The following CDKAL1 variants were observed in gnomAD, a reference collection of about 807,000 sequenced individuals.
CDKAL1 encodes the protein threonylcarbamoyladenosine tRNA methylthiotransferase.
A neutral mutation model predicts 68.2 loss-of-function variants in CDKAL1; 32 were observed. That is an observed-to-expected ratio of 0.47 (90% CI 0.35 to 0.63). The LOEUF (loss-of-function observed/expected upper bound fraction) is 0.63, where lower values mean the gene tolerates loss of function less well. CDKAL1 is among the 30% of genes least tolerant of loss of function. The pLI, the probability that CDKAL1 is intolerant of heterozygous loss-of-function variation, is 0.00. For synonymous variants in CDKAL1, 234 were observed against 244.3 expected, an observed-to-expected ratio of 0.96 and a Z score of 0.39; for missense variants, 606 against 696.7, an observed-to-expected ratio of 0.87 and a Z score of 1.47.
chr6:20,801,618 A>G (rs922384778), intron 8 of CDKAL1, among the ~76,000 whole-genome samples: 3 of 152,212 alleles, frequency 2.0e-5, no homozygotes, highest in African/African-American at 7.2e-5. Context: ...TTTTGAAACC[A>G]TGGAATATAT....
At chr6:20,716,589 T>A (rs1772106532) in intron 5 of CDKAL1, among the ~76,000 whole-genome samples, 1 of 151,898 alleles carries the variant, frequency 6.6e-6, no homozygotes, top group African/African-American at 2.4e-5. Context: ...TTGGTTTGGT[T>A]GGGTCTGGGT....
chr6:21,159,760 A>T (rs1455346106), intron 13 of CDKAL1, among the ~76,000 whole-genome samples: 1 of 152,206 alleles, frequency 6.6e-6, no homozygotes, highest in Non-Finnish European at 1.5e-5. Context: ...CTTGGTTGAG[A>T]TCTTACCTCC....
chr6:20,984,062 A>G (rs1478469424), intron 10 of CDKAL1, among the ~76,000 whole-genome samples: 1 of 152,230 alleles, frequency 6.6e-6, no homozygotes, highest in Non-Finnish European at 1.5e-5. Context: ...GATCGCGTGA[A>G]GTAAAACTAC....
Position 20,631,746 on chromosome 6 carries a change from A to C in CDKAL1, c.287-17547A>C, listed in dbSNP as rs182746041. ...TCTCTGAGTCAGCCCTTCCGGATGAACCAGTCAGATGTTACAGGACATGTC... is the reference window on the plus strand; with the variant it reads ...TCTCTGAGTCAGCCCTTCCGGATGACCCAGTCAGATGTTACAGGACATGTC... On this transcript the variant is annotated intron_variant, in intron 4 of 15. Transcript: ENST00000274695. Among the ~76,000 whole-genome samples the C allele has an allele frequency of 1.5e-3, 224 of 152,272 alleles. 1 individual carries two copies. Among genetic ancestry groups the C allele is most frequent in the Non-Finnish European group, 2.5e-3 (172 of 68,034 alleles).
intron 15 of CDKAL1, among the ~76,000 whole-genome samples, chr6:21,211,363 C>T (rs1779140598): frequency 6.6e-6 from 1 of 152,170 alleles, no homozygotes; most frequent in South Asian, 2.1e-4. Context: ...TATATTCGTC[C>T]AAGACAGGTT....
intron 4 of CDKAL1, among the ~76,000 whole-genome samples, chr6:20,590,314 C>T (rs972061876): frequency 1.3e-5 from 2 of 152,084 alleles, no homozygotes; most frequent in Non-Finnish European, 2.9e-5. Context: ...CTACTATGCA[C>T]AGAGTAAGGG....
intron 12 of CDKAL1, among the ~76,000 whole-genome samples, chr6:21,090,408 C>T (rs890820770): frequency 2.3e-4 from 35 of 152,312 alleles, no homozygotes; most frequent in African/African-American, 7.7e-4. Flanking sequence ...GATTGCTTTC[C>T]ATACCTAGCA....
intron 11 of CDKAL1, among the ~76,000 whole-genome samples, chr6:21,024,475 C>T (rs1274146091): frequency 1.3e-5 from 2 of 151,844 alleles, no homozygotes; most frequent in Non-Finnish European, 2.9e-5. Context: ...TAGTGAAACC[C>T]CATCTCTTAA....
chr6:20,771,987 A>AT (rs1561764392), intron 7 of CDKAL1, among the ~76,000 whole-genome samples: 5 of 152,184 alleles, frequency 3.3e-5, no homozygotes, highest in Non-Finnish European at 5.9e-5. Flanking sequence ...AAAATGGCCT[A>AT]TATTCAGTGG....
At chr6:21,093,694 C>CTTTTTTT (rs547923386) in intron 12 of CDKAL1, among the ~76,000 whole-genome samples, 11 of 88,092 alleles carry the variant, frequency 1.2e-4, no homozygotes, top group Non-Finnish European at 2.0e-4. Flanking sequence ...GCTGCTGCTG[C>CTTTTTTT]TTTTTTTTTT....
chr6:20,859,321 T>A (rs2150519925), intron 9 of CDKAL1, among the ~76,000 whole-genome samples: 1 of 152,282 alleles, frequency 6.6e-6, no homozygotes, highest in South Asian at 2.1e-4. Flanking sequence ...AAAATGGTGT[T>A]ATGAAGATCT....
intron 11 of CDKAL1, among the ~76,000 whole-genome samples, chr6:21,032,680 A>G (rs916197170): frequency 6.6e-6 from 1 of 151,724 alleles, no homozygotes; most frequent in Non-Finnish European, 1.5e-5. Flanking sequence ...TTACCATTGC[A>G]TTTCAGTTGC....
chr6:20,626,347 C>G (rs1378469994), intron 4 of CDKAL1, among the ~76,000 whole-genome samples: 3 of 152,104 alleles, frequency 2.0e-5, no homozygotes, highest in Non-Finnish European at 4.4e-5. Context: ...TGATCCTCCT[C>G]TGTTTTCCCA....
intron 8 of CDKAL1, among the ~76,000 whole-genome samples, chr6:20,808,091 A>G (rs1776648243): frequency 6.6e-6 from 1 of 152,240 alleles, no homozygotes; most frequent in African/African-American, 2.4e-5. Context: ...TGTGTGAAAG[A>G]CATTTTAAAA....
chr6:21,195,529 G>A (rs990582313), intron 13 of CDKAL1, among the ~76,000 whole-genome samples: 4 of 121,428 alleles, frequency 3.3e-5, no homozygotes, highest in Non-Finnish European at 5.4e-5. Context: ...TTATTTATTT[G>A]AGACAGGGTC....
chr6:20,639,951 G>A (rs746613922), intron 4 of CDKAL1, among the ~76,000 whole-genome samples: 3 of 152,238 alleles, frequency 2.0e-5, no homozygotes, highest in Non-Finnish European at 4.4e-5. Context: ...TTACAGGCGC[G>A]AGCCACCGCG....
chr6:20,733,299 T>G (rs1212065807), intron 5 of CDKAL1, among the ~76,000 whole-genome samples: 1 of 152,246 alleles, frequency 6.6e-6, no homozygotes, highest in Admixed American at 6.5e-5. Flanking sequence ...TATTTCTTCC[T>G]TCTCGCTCTA....
intron 9 of CDKAL1, among the ~76,000 whole-genome samples, chr6:20,945,071 T>TACACAC (rs141227225): frequency 0.41 from 61,175 of 150,190 alleles, 12,674 homozygotes; most frequent in Non-Finnish European, 0.47. Context: ...CACACACACG[T>TACACAC]ACACACACAC....
chr6:21,142,732 G>T (rs1483516307), intron 13 of CDKAL1, among the ~76,000 whole-genome samples: 2 of 152,202 alleles, frequency 1.3e-5, no homozygotes, highest in Non-Finnish European at 2.9e-5. Flanking sequence ...ATGTAATACT[G>T]CAGCCTTAAA....
Sources: gnomAD v4.1 joint callset for allele counts (sites outside exome capture counted in the v4.1 genomes callset) on GRCh38, gnomAD v4.1.1 for gene constraint, MANE v1.5 for transcripts, NCBI Gene and HGNC (gene_info 2026-07-23, HGNC 2026-07-21) for gene names.